Variants in SDF4 observed in about 807,000 individuals in gnomAD.
SDF4 encodes the protein stromal cell derived factor 4.
Under a neutral mutation model 34.2 loss-of-function variants are expected in SDF4, and 22 were observed. The observed-to-expected ratio is 0.64, with a 90% CI of 0.46 to 0.92. The LOEUF (loss-of-function observed/expected upper bound fraction) is 0.92. Ranked by LOEUF, SDF4 falls within the 40% of genes least tolerant of loss-of-function variation. The pLI is 0.00. For missense variants in SDF4, 447 were observed against 499.9 expected, an observed-to-expected ratio of 0.89 and a Z score of 1.01; for synonymous variants, 236 against 203.1, an observed-to-expected ratio of 1.16 and a Z score of -1.38.
At chr1:1,220,263 G>C in intron 4 of SDF4, 1 of 1,047,836 alleles carries the variant, frequency 9.5e-7, no homozygotes, top group Non-Finnish European at 1.2e-6. Context: ...AACGACTGCT[G>C]TCCCTGTGAG....
In SDF4 at chr1:1,218,862, G is replaced by A; in HGVS notation, c.622C>T (p.Leu208=). 1 of 1,597,248 alleles carries A rather than the reference G, an allele frequency of 6.3e-7. No homozygotes were observed. The highest frequency in any genetic ancestry group is 8.6e-7 in the Non-Finnish European group (1 of 1,168,740). ...YQADSPPADL[L]LTEEEFLSFL... ...GACAGGAACTCCTCCTCCGTCAGCA[G>A]CAGGTCTGCAGGGGGGCTGTCCGCC... Residue 208 remains leucine (L), a synonymous_variant, in exon 5 of 7, where the codon CTG becomes TTG. Transcript: ENST00000360001. The surrounding 1 kb of genome is among the most constrained non-coding windows in gnomAD (Gnocchi z 7.9).
rs139882398 is a variant in SDF4, at chr1:1,226,635, T to C, written c.305+1833A>G. On this transcript the variant is annotated intron_variant, in intron 2 of 6. Transcript: ENST00000360001. ...GGACCCGCGTGTGGGAAGGGAAGTCTAAACACCCACAGCGGCCGCTGTCGC... is the reference window on the plus strand; with the variant it reads ...GGACCCGCGTGTGGGAAGGGAAGTCCAAACACCCACAGCGGCCGCTGTCGC... 6.6e-3 allele frequency among the ~76,000 whole-genome samples: 1,001 copies of C among 152,202 alleles called. 32 individuals carry two copies. The highest frequency in any genetic ancestry group is 6.8e-3 in the South Asian group (33 of 4,824).
chr1:1,227,530 C>T (rs1638350084), intron 2 of SDF4, among the ~76,000 whole-genome samples: 1 of 152,192 alleles, frequency 6.6e-6, no homozygotes. Context: ...CCAGGTCTCG[C>T]AGGTCCCAGG....
chr1:1,217,209 CAG>C lies in SDF4; in HGVS notation c.*301_*302del, dbSNP rs1255104739. 1 of 163,316 alleles carries C rather than the reference CAG, an allele frequency of 6.1e-6. No homozygotes were observed. The highest frequency in any genetic ancestry group is 1.7e-4 in the East Asian group (1 of 5,916). The allele number at this position is 163,316 out of a possible 1,614,324, so 10.1% of individuals were successfully genotyped here. ...GCCGCGATGCCGTCAGCGCCTTCGG[CAG>C]AGTGACTGAAGCGAGATTTCGTTCT... On this transcript the variant is annotated 3_prime_UTR_variant, in exon 7 of 7. Transcript: ENST00000360001. The surrounding 1 kb of genome is among the most constrained non-coding windows in gnomAD (Gnocchi z 8.5).
rs764634276 is a variant in SDF4 at position 1,223,352 on chromosome 1, C to A, written c.448G>T (p.Val150Leu). 6.2e-7 allele frequency: 1 copy of A among 1,608,292 alleles called. No individual in the cohort carries two copies. The change falls in exon 4 of 7, where the codon GTG becomes TTG. Residue 150 changes from valine (V) to leucine (L), a missense_variant. By Grantham distance (32) the Val-to-Leu change is conservative (BLOSUM62 1). Coordinates refer to ENST00000360001, the MANE Select transcript of SDF4 (RefSeq NM_016176.6). ...RAVDPDGDGH[V>L]SWDEYKVKFL... is the part of the protein sequence containing the mutation. ...TTCACCTTATACTCGTCCCAAGACA[C>A]GTGACCTGGAAGAGCAGATCACACC...
chr1:1,222,328 G>C (rs1208884360), intron 4 of SDF4, among the ~76,000 whole-genome samples: 1 of 152,220 alleles, frequency 6.6e-6, no homozygotes, highest in Non-Finnish European at 1.5e-5. Context: ...CTGGCCCCGT[G>C]CAGGGTGGCC....
intron 3 of SDF4, 102 bp downstream of exon 3, chr1:1,223,730 C>T (rs571238318): frequency 4.4e-6 from 5 of 1,128,678 alleles, no homozygotes; most frequent in East Asian, 5.2e-5. Context: ...CCCCACCGCC[C>T]GTCCCTCAGA....
chr1:1,225,446 C>A (rs570076212), intron 2 of SDF4, among the ~76,000 whole-genome samples: 1 of 152,210 alleles, frequency 6.6e-6, no homozygotes, highest in Non-Finnish European at 1.5e-5. Flanking sequence ...ACCGCAGGCA[C>A]GGCTCAGAAG....
chr1:1,220,920 G>A, intron 4 of SDF4: 1 of 411,434 alleles, frequency 2.4e-6, no homozygotes, highest in Non-Finnish European at 4.5e-6. Flanking sequence ...AACCGTGTGT[G>A]GGGAGGAAAA....
chr1:1,226,184 C>G (rs543015104), intron 2 of SDF4, among the ~76,000 whole-genome samples: 1 of 152,202 alleles, frequency 6.6e-6, no homozygotes, highest in Non-Finnish European at 1.5e-5. Flanking sequence ...GCAGGTGGCA[C>G]GGAGGCGAGC....
At chr1:1,229,667 G>A (rs1376754710) in intron 1 of SDF4, among the ~76,000 whole-genome samples, 1 of 152,194 alleles carries the variant, frequency 6.6e-6, no homozygotes, top group Non-Finnish European at 1.5e-5. Context: ...CTGGCATCAT[G>A]CCACTGACCC....
intron 4 of SDF4, among the ~76,000 whole-genome samples, chr1:1,222,324 C>G (rs995209016): frequency 2.3e-4 from 35 of 152,332 alleles, no homozygotes; most frequent in South Asian, 1.9e-3. Context: ...AGACCTGGCC[C>G]CGTGCAGGGT....
At chr1:1,225,252 C>T (rs570226593) in intron 2 of SDF4, among the ~76,000 whole-genome samples, 22 of 152,336 alleles carry the variant, frequency 1.4e-4, no homozygotes, top group African/African-American at 1.7e-4. Context: ...TCCAGAGGTG[C>T]GAGGTCTTGA....
intron 4 of SDF4, chr1:1,220,824 C>A: frequency 1.7e-6 from 2 of 1,164,354 alleles, no homozygotes; most frequent in East Asian, 1.2e-4. Context: ...CTGCCCCAAG[C>A]ACATCGCCAA....
At chr1:1,221,312 G>C (rs562442527) in intron 4 of SDF4, 1 of 157,184 alleles carries the variant, frequency 6.4e-6, no homozygotes, top group East Asian at 1.9e-4. Flanking sequence ...CCAGGACGGG[G>C]GGAGGCCGAG....
At chr1:1,226,611 G>A (rs1298579317) in intron 2 of SDF4, among the ~76,000 whole-genome samples, 1 of 150,066 alleles carries the variant, frequency 6.7e-6, no homozygotes. Flanking sequence ...GGCGAGAAGG[G>A]ACCCGCGTGT....
At position 1,218,609 on chromosome 1, in the gene SDF4, G is replaced by C; in HGVS notation, c.740C>G (p.Ser247Cys). ...DLDQDGDKQLSVPEFISLPVG... is the reference protein window; with the variant it reads ...DLDQDGDKQLCVPEFISLPVG... Reference sequence around the variant, plus strand: ...GGGCAGGGAGATGAACTCGGGCACAGAGAGCTGCTTGTCACCGTCCTGGTC... The same window carrying C: ...GGGCAGGGAGATGAACTCGGGCACACAGAGCTGCTTGTCACCGTCCTGGTC... The change falls in exon 6 of 7, where the codon TCT (serine) becomes TGT (cysteine). Residue 247 changes from serine to cysteine, a missense_variant. Ser to Cys is a moderately radical substitution (Grantham distance 112). Transcript: ENST00000360001. This position sits in a 1 kb window ranked among gnomAD's most constrained non-coding sequence, Gnocchi z 7.9. The C allele has an allele frequency of 1.9e-6, 3 of 1,614,002 alleles. No homozygotes were observed. The highest frequency in any genetic ancestry group is 2.5e-6 in the Non-Finnish European group (3 of 1,179,940).
chr1:1,219,487 G>A, intron 4 of SDF4: 1 of 998,120 alleles, frequency 1.0e-6, no homozygotes, highest in East Asian at 1.1e-4. Flanking sequence ...GCGGGGCGAA[G>A]GACTCACTGC....
Position 1,228,706 on chromosome 1 carries a change from G to A in SDF4, c.67C>T (p.Leu23Phe), listed in dbSNP as rs747214237. 38 of 1,612,804 alleles carry A rather than the reference G, an allele frequency of 2.4e-5. No individual in the cohort carries two copies. Among genetic ancestry groups the A allele is most frequent in the African/African-American group, 6.7e-5 (5 of 74,932 alleles). The change falls in exon 2 of 7, where the codon CTT becomes TTT. Residue 23 changes from leucine to phenylalanine, a missense_variant. Transcript: ENST00000360001. Reference sequence around the variant, plus strand: ...GGCCGTGCAGACGCGTCCATCAGAAGGACTGCCCCCAGGAGCCAGAGGCAG... The same window carrying A: ...GGCCGTGCAGACGCGTCCATCAGAAAGACTGCCCCCAGGAGCCAGAGGCAG... Reference protein sequence around the residue: ...PCCLWLLGAVLLMDASARPAN... With the variant: ...PCCLWLLGAVFLMDASARPAN...
Sources: gnomAD v4.1 joint callset for allele counts (sites outside exome capture counted in the v4.1 genomes callset) on GRCh38, gnomAD v4.1.1 for gene constraint, Gnocchi (gnomAD v3.1) non-coding constraint, MANE v1.5 for transcripts, NCBI Gene and HGNC (gene_info 2026-07-23, HGNC 2026-07-21) for gene names.